The following SUGCT variants were observed in gnomAD, a reference collection of about 807,000 sequenced individuals.
The protein encoded by SUGCT is succinyl-CoA:glutarate-CoA transferase.
In SUGCT, 41 loss-of-function variants were observed where a neutral mutation model predicts 55.0. The observed-to-expected ratio is 0.74, with a 90% CI of 0.58 to 0.97. The LOEUF is 0.97. SUGCT is among the 50% of genes least tolerant of loss of function. SUGCT has a pLI of 0.00. For missense variants in SUGCT, 568 were observed against 547.8 expected (o/e 1.04, Z -0.37); for synonymous variants, 187 against 200.4 (o/e 0.93, Z 0.56).
chr7:40,478,649 C>T (rs1790847971), intron 11 of SUGCT, among the ~76,000 whole-genome samples: 1 of 152,170 alleles, frequency 6.6e-6, no homozygotes, highest in Non-Finnish European at 1.5e-5. Context: ...ACATTTTTCA[C>T]TGCAGCAGGT....
rs146643917 is a variant in SUGCT, at chr7:40,403,274, T to C, written c.817-46013T>C. Reference sequence around the variant, plus strand: ...AAAGAAGTAGGTAAGCTTAGCAACATTACAATCTGTCAATAAATAGAGAGT... The same window carrying C: ...AAAGAAGTAGGTAAGCTTAGCAACACTACAATCTGTCAATAAATAGAGAGT... On this transcript the variant is annotated intron_variant, in intron 9 of 13. Transcript: ENST00000335693. 9.8e-5 allele frequency among the ~76,000 whole-genome samples: 15 copies of C among 152,334 alleles called. 1 individual carries two copies. The East Asian group carries it at 2.5e-3, about 25-fold the overall frequency.
At chr7:40,477,337 A>G (rs1413006392) in intron 11 of SUGCT, among the ~76,000 whole-genome samples, 3 of 152,178 alleles carry the variant, frequency 2.0e-5, no homozygotes, top group Admixed American at 6.6e-5. Flanking sequence ...GAGAGCAGCA[A>G]GACTGGGGAG....
At chr7:40,578,773 G>T (rs1052579584) in intron 12 of SUGCT, among the ~76,000 whole-genome samples, 9 of 152,110 alleles carry the variant, frequency 5.9e-5, no homozygotes, top group African/African-American at 2.2e-4. Flanking sequence ...CAATAAAAAA[G>T]ACCTATCATT....
chr7:40,453,280 T>C (rs1789291109), intron 10 of SUGCT, among the ~76,000 whole-genome samples: 1 of 152,176 alleles, frequency 6.6e-6, no homozygotes, highest in Non-Finnish European at 1.5e-5. Context: ...GTGAATCTCC[T>C]TTCCTTTTCC....
At chr7:40,148,559 A>G (rs1230374815) in intron 1 of SUGCT, among the ~76,000 whole-genome samples, 1 of 152,154 alleles carries the variant, frequency 6.6e-6, no homozygotes, top group Non-Finnish European at 1.5e-5. Context: ...CAGGAGAATC[A>G]CTTGAACCTG....
the SUGCT span, among the ~76,000 whole-genome samples, chr7:40,999,879 G>T: frequency 2.0e-5 from 3 of 152,062 alleles, no homozygotes; most frequent in Admixed American, 1.3e-4. Context: ...TTATATATTT[G>T]TTACTATATC....
At chr7:40,901,185 A>G in the SUGCT span, among the ~76,000 whole-genome samples, 1 of 152,226 alleles carries the variant, frequency 6.6e-6, no homozygotes, top group African/African-American at 2.4e-5. Context: ...GAACTTGGTT[A>G]CAAAGGATTG....
At position 40,209,202 on chromosome 7, in the gene SUGCT, A is replaced by C. The variant is rs557432948; in HGVS notation, c.484+14142A>C. On this transcript the variant is annotated intron_variant, in intron 6 of 13. Transcript: ENST00000335693. Reference sequence around the variant, plus strand: ...TAGGAGAGTTGCTGATGTTACTTCAAAATAAGAATAAAGGGCCGGATGCGG... The same window carrying C: ...TAGGAGAGTTGCTGATGTTACTTCACAATAAGAATAAAGGGCCGGATGCGG... Among the ~76,000 whole-genome samples, 8 of 152,304 alleles carry C rather than the reference A, an allele frequency of 5.3e-5. No homozygotes were observed. In the South Asian group the frequency reaches 1.7e-3, roughly 32 times the overall value.
At chr7:40,481,093 T>C (rs1036176073) in intron 11 of SUGCT, among the ~76,000 whole-genome samples, 1 of 152,134 alleles carries the variant, frequency 6.6e-6, no homozygotes, top group East Asian at 1.9e-4. Flanking sequence ...GGTGGGAGGA[T>C]TGCTTGAAGC....
intron 13 of SUGCT, among the ~76,000 whole-genome samples, chr7:40,824,132 G>T (rs948489645): frequency 2.0e-5 from 3 of 151,732 alleles, no homozygotes; most frequent in Admixed American, 6.6e-5. Context: ...TCTCATTCAG[G>T]TTCATGACAA....
At chr7:40,320,707 T>C (rs898282466) in intron 9 of SUGCT, among the ~76,000 whole-genome samples, 26 of 152,166 alleles carry the variant, frequency 1.7e-4, no homozygotes, top group African/African-American at 6.0e-4. Context: ...CTGTCTCCAA[T>C]ATCGTAGAAG....
chr7:40,908,817 G>A, the SUGCT span, among the ~76,000 whole-genome samples: 36 of 152,276 alleles, frequency 2.4e-4, no homozygotes, highest in Admixed American at 1.7e-3. Flanking sequence ...CTGTAGAAAA[G>A]CATGATGACT....
At chr7:40,564,059 G>C (rs1440748106) in intron 12 of SUGCT, among the ~76,000 whole-genome samples, 1 of 152,150 alleles carries the variant, frequency 6.6e-6, no homozygotes, top group Non-Finnish European at 1.5e-5. Context: ...TTGAGTTGTA[G>C]GTGATTTATT....
chr7:40,847,407 C>CTTTTTTTTTTTTTTTTTTTTTT lies in SUGCT; in HGVS notation c.1154-12906_1154-12905insTTTTTTTTTTTTTTTTTTTTTT, dbSNP rs1338885686. On this transcript the variant is annotated intron_variant, in intron 13 of 13. Coordinates refer to ENST00000335693, the MANE Select transcript of SUGCT (RefSeq NM_001193313.2). The stretch of plus-strand genomic sequence containing the variant: ...GATGACATATACATTTCTTTTCTTT[C>CTTTTTTTTTTTTTTTTTTTTTT]TTTCTTTTTTTTTTTTTTTTTTTTT... Among the ~76,000 whole-genome samples, 11 of 117,886 alleles carry CTTTTTTTTTTTTTTTTTTTTTT rather than the reference C, an allele frequency of 9.3e-5. 1 individual carries two copies. The highest frequency in any genetic ancestry group is 9.9e-4 in the East Asian group (2 of 2,020). The allele number at this position is 117,886 out of a possible 152,430, so 77.3% of individuals were successfully genotyped here.
At chr7:40,555,830 T>TC (rs1795532694) in intron 12 of SUGCT, among the ~76,000 whole-genome samples, 1 of 152,086 alleles carries the variant, frequency 6.6e-6, no homozygotes, top group Admixed American at 6.5e-5. Context: ...TTGTAGGCTT[T>TC]CCCCAAGTCT....
the SUGCT span, among the ~76,000 whole-genome samples, chr7:40,894,056 G>GA: frequency 0.39 from 52,294 of 134,548 alleles, 10,446 homozygotes; most frequent in Admixed American, 0.51. Flanking sequence ...TCTGTCTTAA[G>GA]AAGAAAAAAA....
chr7:40,199,328 G>T (rs1191365084), intron 6 of SUGCT, among the ~76,000 whole-genome samples: 1 of 152,192 alleles, frequency 6.6e-6, no homozygotes, highest in East Asian at 1.9e-4. Context: ...TCACAAGGGA[G>T]GAAGGACCTG....
chr7:40,988,879 T>A, the SUGCT span, among the ~76,000 whole-genome samples: 1 of 114,214 alleles, frequency 8.8e-6, no homozygotes, highest in Middle Eastern at 5.4e-3. Context: ...TTCTAGCACA[T>A]TCTTAATTTT....
chr7:40,336,203 G>A (rs1371670626), intron 9 of SUGCT, among the ~76,000 whole-genome samples: 1 of 152,070 alleles, frequency 6.6e-6, no homozygotes, highest in African/African-American at 2.4e-5. Flanking sequence ...ATTGGTCTAA[G>A]ATTCTCTTTT....
Sources: gnomAD v4.1 joint callset for allele counts (sites outside exome capture counted in the v4.1 genomes callset) on GRCh38, gnomAD v4.1.1 for gene constraint, MANE v1.5 for transcripts, NCBI Gene and HGNC (gene_info 2026-07-23, HGNC 2026-07-21) for gene names.